The following POLN variants were observed in gnomAD, a reference collection of about 807,000 sequenced individuals.
POLN encodes DNA polymerase N.
POLN carries 108 observed loss-of-function variants against 113.5 expected under a neutral mutation model. That is an observed-to-expected ratio of 0.95 (90% CI 0.81 to 1.12). The LOEUF is 1.12. POLN is among the 50% of genes most tolerant of loss of function. POLN has a pLI of 0.00. For synonymous variants in POLN, 386 were observed against 391.5 expected (o/e 0.99, Z 0.17); for missense variants, 1,097 against 1,077.1 (o/e 1.02, Z -0.26).
intron 19 of POLN, among the ~76,000 whole-genome samples, chr4:2,098,002 T>G (rs867556214): frequency 6.6e-6 from 1 of 152,256 alleles, no homozygotes; most frequent in African/African-American, 2.4e-5. Flanking sequence ...ACCTAATTTC[T>G]AAGTACCAAT....
Position 2,236,922 on chromosome 4 carries a change from G to A in POLN, c.-13+4598C>T, listed in dbSNP as rs148803760. Among the ~76,000 whole-genome samples the A allele has an allele frequency of 2.5e-3, 373 of 150,432 alleles. 3 individuals carry two copies. Among genetic ancestry groups the A allele is most frequent in the African/African-American group, 7.7e-3 (318 of 41,152 alleles). On this transcript the variant is annotated intron_variant, in intron 2 of 25. Transcript: ENST00000511885. ...TAATATTATTATTATTTGTGTGCCT[G>A]CAAAAATCAAGCAACTGAAACCATT...
chr4:2,181,548 CTG>C (rs1450776870), intron 7 of POLN, among the ~76,000 whole-genome samples: 7 of 151,392 alleles, frequency 4.6e-5, no homozygotes, highest in African/African-American at 1.7e-4. Flanking sequence ...AATGACGAAA[CTG>C]AAAATGGATT....
chr4:2,072,799 G>T (rs588341), intron 25 of POLN, among the ~76,000 whole-genome samples, 169 bp downstream of exon 25: 13,199 of 152,248 alleles, frequency 0.087, 792 homozygotes, highest in Non-Finnish European at 0.13. Flanking sequence ...GAGTCGGGTG[G>T]GGCTTCCCGG....
intron 16 of POLN, among the ~76,000 whole-genome samples, chr4:2,142,909 C>T (rs1041937538): frequency 6.6e-6 from 1 of 151,542 alleles, no homozygotes; most frequent in Admixed American, 6.6e-5. Flanking sequence ...ACCCTCACCC[C>T]CTCTGTTGGT....
At chr4:2,163,882 G>A (rs956609097) in intron 13 of POLN, among the ~76,000 whole-genome samples, 1 of 152,140 alleles carries the variant, frequency 6.6e-6, no homozygotes, top group Non-Finnish European at 1.5e-5. Context: ...TTTGTGATAC[G>A]GCACATCAAT....
intron 23 of POLN, chr4:2,078,786 CAGA>C: frequency 1.0e-6 from 1 of 985,458 alleles, no homozygotes; most frequent in South Asian, 4.7e-5. Flanking sequence ...TGGCTGATGA[CAGA>C]AGGATGACCA....
chr4:2,125,748 A>T (rs1205767027), intron 19 of POLN, among the ~76,000 whole-genome samples: 1 of 152,124 alleles, frequency 6.6e-6, no homozygotes, highest in Admixed American at 6.5e-5. Context: ...ACCTTTCCTG[A>T]GTGCCCAGGA....
intron 10 of POLN, 140 bp downstream of exon 10, chr4:2,174,551 A>G (rs2108748725): frequency 1.3e-6 from 1 of 753,160 alleles, no homozygotes; most frequent in East Asian, 2.7e-5. Context: ...ACAGAAAGGG[A>G]AAATAATAGG....
chr4:2,197,295 A>G (rs529323286), intron 6 of POLN, among the ~76,000 whole-genome samples: 1 of 152,332 alleles, frequency 6.6e-6, no homozygotes, highest in East Asian at 1.9e-4. Context: ...GGAGGTAACA[A>G]CTTGTGCCGA....
chr4:2,229,008 G>A, intron 3 of POLN, 91 bp downstream of exon 3: 6 of 1,321,594 alleles, frequency 4.5e-6, no homozygotes, highest in Non-Finnish European at 6.3e-6. Context: ...GGCTTCATCT[G>A]TCTACATGCA....
intron 20 of POLN, among the ~76,000 whole-genome samples, chr4:2,088,058 T>C (rs2108693996): frequency 6.6e-6 from 1 of 152,300 alleles, no homozygotes; most frequent in South Asian, 2.1e-4. Flanking sequence ...TTAGGACAAA[T>C]GGTTTTTAAA....
intron 4 of POLN, among the ~76,000 whole-genome samples, chr4:2,209,102 A>G (rs998779940): frequency 6.6e-6 from 1 of 152,288 alleles, no homozygotes; most frequent in Non-Finnish European, 1.5e-5. Context: ...GAAGATTAAT[A>G]ATTTACAACT....
At chr4:2,239,113 A>G in intron 2 of POLN, 1 of 801,448 alleles carries the variant, frequency 1.2e-6, no homozygotes, top group Non-Finnish European at 1.9e-6. Flanking sequence ...GATTATTTTC[A>G]CTTTCCACTT....
intron 22 of POLN, 47 bp downstream of exon 22, chr4:2,081,586 C>G: frequency 1.3e-6 from 2 of 1,591,494 alleles, no homozygotes; most frequent in African/African-American, 1.3e-5. Flanking sequence ...CTGCTAAAAC[C>G]CAAGAAGCAA....
intron 5 of POLN, among the ~76,000 whole-genome samples, chr4:2,201,812 T>TA (rs970361346): frequency 1.4e-4 from 22 of 152,168 alleles, no homozygotes; most frequent in Admixed American, 1.4e-3. Flanking sequence ...AAGCACCAGG[T>TA]AACCTATAAA....
Position 2,156,873 on chromosome 4 carries a change from T to A in POLN, c.1666-20A>T. On this transcript the variant is annotated intron_variant, in intron 15 of 25. Coordinates refer to ENST00000511885, the MANE Select transcript of POLN (RefSeq NM_181808.4). ...GGAGCCCTTTATTAGTTAAAAAGAA[T>A]CAGTGTAAACTCCAGCAATGCTATG... 6 of 1,590,930 alleles carry A rather than the reference T, an allele frequency of 3.8e-6. No individual in the cohort carries two copies. Among genetic ancestry groups the A allele is most frequent in the Non-Finnish European group, 5.2e-6 (6 of 1,158,932 alleles).
chr4:2,117,453 T>C (rs1731344717), intron 19 of POLN, among the ~76,000 whole-genome samples: 1 of 152,224 alleles, frequency 6.6e-6, no homozygotes, highest in African/African-American at 2.4e-5. Context: ...AATTTCATCT[T>C]ATCAGGGCAG....
chr4:2,121,790 C>CTTT (rs561846189), intron 19 of POLN, among the ~76,000 whole-genome samples: 124 of 148,734 alleles, frequency 8.3e-4, no homozygotes, highest in African/African-American at 3.0e-3. Context: ...AAAGAGCTAA[C>CTTT]TTTTTTTTTT....
intron 19 of POLN, among the ~76,000 whole-genome samples, chr4:2,106,059 T>TC (rs1731059242): frequency 6.6e-6 from 1 of 152,130 alleles, no homozygotes; most frequent in Admixed American, 6.5e-5. Context: ...TCTTTTTTTT[T>TC]CTAGCAAAAA....
Sources: allele counts gnomAD v4.1 joint callset (sites outside exome capture counted in the v4.1 genomes callset), GRCh38; gene constraint gnomAD v4.1.1; transcripts MANE v1.5; gene names NCBI Gene and HGNC (gene_info 2026-07-23, HGNC 2026-07-21).